The following SLC25A14 variants were observed in gnomAD, a reference collection of about 807,000 sequenced individuals.
SLC25A14 encodes the protein brain mitochondrial carrier protein 1.
A neutral mutation model predicts 28.1 loss-of-function variants in SLC25A14; 8 were observed. The ratio of observed to expected loss-of-function variants is 0.28; its 90% CI spans 0.17 to 0.51. SLC25A14 has a LOEUF of 0.51. Among genes scored for constraint, SLC25A14 ranks in the 20% least tolerant of loss-of-function variants. SLC25A14 has a pLI of 0.97. For synonymous variants in SLC25A14, 74 were observed against 90.6 expected, an observed-to-expected ratio of 0.82 and a Z score of 1.04; for missense variants, 135 against 263.8, an observed-to-expected ratio of 0.51 and a Z score of 3.38.
chrX:130,369,388 C>T (rs1486905101), intron 9 of SLC25A14, among the ~76,000 whole-genome samples: 1 of 112,097 alleles, frequency 8.9e-6, no homozygotes, highest in Non-Finnish European at 1.9e-5. Context: ...ATTTCTTGCA[C>T]CAGACACTGT....
rs748623528 is a variant in SLC25A14, at chrX:130,346,603, G to A, written c.229G>A (p.Ala77Thr). 8 of 1,205,044 alleles carry A rather than the reference G, an allele frequency of 6.6e-6. No individual in the cohort carries two copies. The South Asian group carries it at 1.2e-4, about 19-fold the overall frequency. Residue 77 changes from alanine (A) to threonine (T), a missense_variant, in exon 4 of 11, where the codon GCC becomes ACC. Physicochemically the swap from Ala to Thr is moderately conservative, Grantham distance 58. Coordinates refer to ENST00000545805, the MANE Select transcript of SLC25A14 (RefSeq NM_001282195.2). ...RLQVQGQSID[A>T]RFKEIKYRGM... ...TCAGGTTCAAGGCCAAAGCATTGATGCCCGTTTCAAAGAGATAAAATATAG... is the reference window on the plus strand; with the variant it reads ...TCAGGTTCAAGGCCAAAGCATTGATACCCGTTTCAAAGAGATAAAATATAG...
At chrX:130,359,838 C>T (rs1011195581) in intron 7 of SLC25A14, among the ~76,000 whole-genome samples, 1 of 110,955 alleles carries the variant, frequency 9.0e-6, no homozygotes, top group African/African-American at 3.3e-5. Context: ...TGTATACAGA[C>T]ATACACTCTT....
rs1009238342 is a variant in SLC25A14 at position 130,365,536 on chromosome X, C to T, written c.720-5C>T. ...GGGTCGATCTACTTAAACTTTTCCTCTTAGTTCCAGCTTTACATGTGGTTT... is the reference window on the plus strand; with the variant it reads ...GGGTCGATCTACTTAAACTTTTCCTTTTAGTTCCAGCTTTACATGTGGTTT... On this transcript the variant is annotated splice_polypyrimidine_tract_variant and splice_region_variant and intron_variant, in intron 8 of 10. Transcript: ENST00000545805. 9.1e-6 allele frequency: 11 copies of T among 1,209,325 alleles called. No individual in the cohort carries two copies. Among genetic ancestry groups the T allele is most frequent in the African/African-American group, 1.7e-5 (1 of 57,204 alleles).
chrX:130,350,757 A>G, intron 6 of SLC25A14, 26 bp downstream of exon 6: 1 of 978,370 alleles, frequency 1.0e-6, no homozygotes, highest in Non-Finnish European at 1.4e-6. Flanking sequence ...TGTGATTTGA[A>G]AGGAGCATAA....
intron 9 of SLC25A14, among the ~76,000 whole-genome samples, chrX:130,370,082 C>CT (rs1297559994): frequency 9.0e-6 from 1 of 111,522 alleles, no homozygotes; most frequent in Non-Finnish European, 1.9e-5. Flanking sequence ...CACATCTGGG[C>CT]TTTATTTGGG....
At chrX:130,369,500 A>G (rs1053366618) in intron 9 of SLC25A14, among the ~76,000 whole-genome samples, 1 of 112,167 alleles carries the variant, frequency 8.9e-6, no homozygotes, top group African/African-American at 3.2e-5. Flanking sequence ...AATGCACAGT[A>G]TAATTTTAGA....
At chrX:130,353,071 C>G (rs1008599333) in intron 6 of SLC25A14, among the ~76,000 whole-genome samples, 24 of 111,889 alleles carry the variant, frequency 2.1e-4, no homozygotes, top group African/African-American at 7.5e-4. Flanking sequence ...TTTAATCTGT[C>G]TTGAGTTAAT....
chrX:130,372,759 G>T, intron 10 of SLC25A14, 150 bp from the exon 11 acceptor site: 1 of 499,622 alleles, frequency 2.0e-6, no homozygotes, highest in Non-Finnish European at 3.5e-6. Flanking sequence ...ACCGCGCCCG[G>T]CTGTCAGGTG....
Position 130,358,960 on chromosome X carries a change from T to G in SLC25A14, c.594+225T>G, listed in dbSNP as rs1388291944. 5.8e-6 allele frequency: 5 copies of G among 861,557 alleles called. No homozygotes were observed. In the African/African-American group the frequency reaches 1.0e-4, roughly 17 times the overall value. 71.0% of individuals were successfully genotyped at this position (861,557 alleles called of 1,213,427 possible). On this transcript the variant is annotated intron_variant, in intron 7 of 10. Coordinates refer to ENST00000545805, the MANE Select transcript of SLC25A14 (RefSeq NM_001282195.2). ...AAGTTATTACATTATTTGAGATGGCTGTTTCGATCATATTCACAGTGAATG... is the reference window on the plus strand; with the variant it reads ...AAGTTATTACATTATTTGAGATGGCGGTTTCGATCATATTCACAGTGAATG...
chrX:130,359,633 A>G (rs2033908393), intron 7 of SLC25A14, among the ~76,000 whole-genome samples: 2 of 110,530 alleles, frequency 1.8e-5, no homozygotes, highest in South Asian at 7.6e-4. Flanking sequence ...TAGAATATAC[A>G]GAGAGAGTGG....
intron 7 of SLC25A14, among the ~76,000 whole-genome samples, chrX:130,359,690 G>C (rs906631221): frequency 1.2e-4 from 13 of 110,961 alleles, no homozygotes; most frequent in African/African-American, 3.6e-4. Context: ...GAGAGCTTTG[G>C]TATTTTTCTT....
chrX:130,341,275 C>G (rs983027267), intron 2 of SLC25A14, among the ~76,000 whole-genome samples: 48 of 112,735 alleles, frequency 4.3e-4, no homozygotes, highest in African/African-American at 1.5e-3. Flanking sequence ...ACTTTGATTT[C>G]TTCCACCAGA....
chrX:130,343,609 G>T (rs913105423), intron 2 of SLC25A14, among the ~76,000 whole-genome samples: 1 of 107,588 alleles, frequency 9.3e-6, no homozygotes, highest in African/African-American at 3.3e-5. Flanking sequence ...TAGTTACAGA[G>T]AATTCCTTAT....
chrX:130,347,566 T>A (rs1425403597), intron 4 of SLC25A14, among the ~76,000 whole-genome samples: 1 of 111,983 alleles, frequency 8.9e-6, no homozygotes, highest in Admixed American at 9.5e-5. Context: ...GAGGTATGAA[T>A]GAGAATGTCT....
chrX:130,372,902 T>G lies in SLC25A14; in HGVS notation c.937-7T>G. On this transcript the variant is annotated splice_polypyrimidine_tract_variant and splice_region_variant and intron_variant, in intron 10 of 10. Coordinates refer to ENST00000545805, the MANE Select transcript of SLC25A14 (RefSeq NM_001282195.2). ...AACCTGGTGATCTTCCTTGACTTAC[T>G]CCTCAGTTTTTTATTACATACGAGC... 8.5e-7 allele frequency: 1 copy of G among 1,172,498 alleles called. No homozygotes were observed.
rs2034262535 is a variant in SLC25A14, at chrX:130,371,552, T to C, written c.856-12T>C. 1 of 1,189,116 alleles carries C rather than the reference T, an allele frequency of 8.4e-7. No homozygotes were observed. The highest frequency in any genetic ancestry group is 1.8e-5 in the African/African-American group (1 of 56,727). Reference sequence around the variant, plus strand: ...TGAATTCACTCTGTTTTTGGTTATATCTTTCCTGCAGATGTGGAAACATGA... The same window carrying C: ...TGAATTCACTCTGTTTTTGGTTATACCTTTCCTGCAGATGTGGAAACATGA... On this transcript the variant is annotated splice_polypyrimidine_tract_variant and intron_variant, in intron 9 of 10. Transcript: ENST00000545805.
chrX:130,346,339 A>G (rs1389768434), intron 3 of SLC25A14, among the ~76,000 whole-genome samples: 3 of 111,853 alleles, frequency 2.7e-5, no homozygotes, highest in Non-Finnish European at 5.7e-5. Context: ...TTGTGGGTCA[A>G]TTGGTGCTGC....
rs2033203435 is a variant in SLC25A14 at position 130,340,294 on chromosome X, G to A, written c.16G>A (p.Gly6Arg). Reference protein sequence around the residue: MGIFPGIILIFLRVKF... With the variant: MGIFPRIILIFLRVKF... Reference sequence around the variant, plus strand: ...CAGAGGGTGAATGGGTATCTTTCCCGGAATAATCCTAATTTTTCTAAGGGT... The same window carrying A: ...CAGAGGGTGAATGGGTATCTTTCCCAGAATAATCCTAATTTTTCTAAGGGT... Residue 6 changes from glycine to arginine, a missense_variant, in exon 2 of 11, where the codon GGA becomes AGA. Coordinates refer to ENST00000545805, the MANE Select transcript of SLC25A14 (RefSeq NM_001282195.2). 8.3e-7 allele frequency: 1 copy of A among 1,211,036 alleles called. No individual in the cohort carries two copies.
chrX:130,365,739 GTTC>G, intron 9 of SLC25A14, 63 bp downstream of exon 9: 1 of 824,594 alleles, frequency 1.2e-6, no homozygotes, highest in Non-Finnish European at 1.8e-6. Flanking sequence ...CCTTCCTTCA[GTTC>G]TTATTATTAG....
Sources: allele counts gnomAD v4.1 joint callset (sites outside exome capture counted in the v4.1 genomes callset), GRCh38; gene constraint gnomAD v4.1.1; transcripts MANE v1.5; gene names NCBI Gene and HGNC (gene_info 2026-07-23, HGNC 2026-07-21).